The following FBXO36 variants were observed in gnomAD, a reference collection of about 807,000 sequenced individuals.
FBXO36 encodes the protein F-box only protein 36.
FBXO36 carries 18 observed loss-of-function variants against 17.0 expected under a neutral mutation model. The observed-to-expected ratio is 1.06, with a 90% confidence interval of 0.73 to 1.57. FBXO36 has a LOEUF of 1.57. Among genes scored for constraint, FBXO36 ranks in the 40% most tolerant of loss-of-function variants. The pLI is 0.00. For missense variants in FBXO36, 229 were observed against 221.9 expected (o/e 1.03, Z -0.20); for synonymous variants, 83 against 85.3 (o/e 0.97, Z 0.15).
At chr2:230,003,256 G>A (rs892183494) in intron 3 of FBXO36, among the ~76,000 whole-genome samples, 1 of 149,888 alleles carries the variant, frequency 6.7e-6, no homozygotes, top group African/African-American at 2.4e-5. Context: ...TGAAGTGGTG[G>A]CAATAATACA....
intron 1 of FBXO36, among the ~76,000 whole-genome samples, chr2:229,931,631 G>C (rs2076938815): frequency 6.6e-6 from 1 of 152,132 alleles, no homozygotes; most frequent in Non-Finnish European, 1.5e-5. Flanking sequence ...AAGAGATCAG[G>C]GGTTCGAGAC....
intron 1 of FBXO36, among the ~76,000 whole-genome samples, chr2:229,956,879 C>T (rs969912725): frequency 3.3e-5 from 5 of 152,068 alleles, no homozygotes; most frequent in Non-Finnish European, 5.9e-5. Context: ...CCAACAACAC[C>T]CCTGGGGTCT....
intron 1 of FBXO36, among the ~76,000 whole-genome samples, chr2:229,948,842 T>C (rs2077040522): frequency 6.6e-6 from 1 of 152,186 alleles, no homozygotes; most frequent in South Asian, 2.1e-4. Flanking sequence ...ATTTTATTTT[T>C]TATTTTTTTG....
At chr2:229,950,683 G>A (rs1449995112) in intron 1 of FBXO36, among the ~76,000 whole-genome samples, 1 of 151,916 alleles carries the variant, frequency 6.6e-6, no homozygotes, top group Non-Finnish European at 1.5e-5. Context: ...GGTTTTGTAG[G>A]ATGGAAAACA....
chr2:229,925,656 C>CA (rs1393190652), intron 1 of FBXO36, among the ~76,000 whole-genome samples: 2 of 151,864 alleles, frequency 1.3e-5, no homozygotes, highest in Non-Finnish European at 2.9e-5. Flanking sequence ...GCATCTTTTT[C>CA]GTTGGCCTTA....
chr2:229,945,076 C>T (rs1402696241), intron 1 of FBXO36: 1 of 152,062 alleles, frequency 6.6e-6, no homozygotes, highest in Non-Finnish European at 1.5e-5. Flanking sequence ...TGATTTATGA[C>T]TATTCTGTTT....
chr2:229,935,573 A>G (rs549423996), intron 1 of FBXO36, among the ~76,000 whole-genome samples: 1 of 152,258 alleles, frequency 6.6e-6, no homozygotes, highest in South Asian at 2.1e-4. Flanking sequence ...GTATTAACAC[A>G]TAGTAATTTT....
intron 2 of FBXO36, among the ~76,000 whole-genome samples, chr2:229,979,520 C>G (rs1328298815): frequency 6.6e-6 from 1 of 151,472 alleles, no homozygotes; most frequent in Non-Finnish European, 1.5e-5. Context: ...TGGCTCATAC[C>G]TATAATCCCA....
chr2:229,971,991 C>CTTTTTTT (rs918029152), intron 1 of FBXO36, among the ~76,000 whole-genome samples: 2 of 104,044 alleles, frequency 1.9e-5, no homozygotes, highest in African/African-American at 3.8e-5. Flanking sequence ...GTATCCAATT[C>CTTTTTTT]TTTTTTTTTT....
chr2:229,985,086 A>T (rs2077261506), intron 2 of FBXO36, among the ~76,000 whole-genome samples: 1 of 152,168 alleles, frequency 6.6e-6, no homozygotes, highest in Non-Finnish European at 1.5e-5. Context: ...CTGCCACAGG[A>T]TGCAGCGCAA....
chr2:229,979,898 A>C (rs2077229311), intron 2 of FBXO36, among the ~76,000 whole-genome samples: 1 of 152,122 alleles, frequency 6.6e-6, no homozygotes. Flanking sequence ...AAGAACAATC[A>C]TATTGGCAGA....
chr2:229,923,966 G>A (rs2076884320), intron 1 of FBXO36, among the ~76,000 whole-genome samples: 1 of 145,412 alleles, frequency 6.9e-6, no homozygotes, highest in Non-Finnish European at 1.5e-5. Flanking sequence ...GGATGGTCTC[G>A]ATCTCTTGAT....
chr2:229,986,173 G>T (rs977394471), intron 2 of FBXO36, among the ~76,000 whole-genome samples: 1 of 152,050 alleles, frequency 6.6e-6, no homozygotes, highest in Admixed American at 6.6e-5. Flanking sequence ...TATAAAAATG[G>T]TTTATGCATA....
chr2:229,971,809 A>T (rs1448632420), intron 1 of FBXO36, among the ~76,000 whole-genome samples: 1 of 151,272 alleles, frequency 6.6e-6, no homozygotes, highest in Non-Finnish European at 1.5e-5. Context: ...CCACCTCAGC[A>T]CAGACACGCA....
At chr2:229,927,533 G>T (rs1407348747) in intron 1 of FBXO36, among the ~76,000 whole-genome samples, 1 of 152,150 alleles carries the variant, frequency 6.6e-6, no homozygotes, top group Admixed American at 6.6e-5. Flanking sequence ...CTGGAAAAGT[G>T]TTAGAAAGAG....
At chr2:229,946,092 G>T (rs149521124) in intron 1 of FBXO36, among the ~76,000 whole-genome samples, 1 of 151,990 alleles carries the variant, frequency 6.6e-6, no homozygotes, top group Non-Finnish European at 1.5e-5. Context: ...TAAGAACTTT[G>T]CATTGCGGCC....
intron 1 of FBXO36, among the ~76,000 whole-genome samples, chr2:229,963,961 G>A (rs1395479399): frequency 1.3e-5 from 2 of 152,164 alleles, no homozygotes; most frequent in East Asian, 3.8e-4. Flanking sequence ...CTGGATGGAT[G>A]AGAAATAATA....
At position 230,012,757 on chromosome 2, in the gene FBXO36, C is replaced by G. The variant is rs1450240450; in HGVS notation, c.*1873C>G. The G allele has an allele frequency of 6.6e-6, 1 of 151,738 alleles. No individual in the cohort carries two copies. The highest frequency in any genetic ancestry group is 1.9e-4 in the East Asian group (1 of 5,204). 9.4% of individuals were successfully genotyped at this position (151,738 alleles called of 1,614,324 possible). A position where few individuals can be genotyped will look rare whatever the true frequency, so the allele number is the denominator to read the frequency against. On this transcript the variant is annotated 3_prime_UTR_variant, in exon 4 of 4. Coordinates refer to ENST00000283946, the MANE Select transcript of FBXO36 (RefSeq NM_174899.5). ...ACCACAATTACGTATGTCAACATAACTTCATAAATATGTAACTGTAACTTA... is the reference window on the plus strand; with the variant it reads ...ACCACAATTACGTATGTCAACATAAGTTCATAAATATGTAACTGTAACTTA...
At chr2:229,982,491 C>A (rs530405759) in intron 2 of FBXO36, among the ~76,000 whole-genome samples, 2 of 152,142 alleles carry the variant, frequency 1.3e-5, no homozygotes, top group East Asian at 3.9e-4. Context: ...ACCAGATAAT[C>A]CAGGATTATC....
Sources: allele counts gnomAD v4.1 joint callset (sites outside exome capture counted in the v4.1 genomes callset), GRCh38; gene constraint gnomAD v4.1.1; transcripts MANE v1.5; gene names NCBI Gene and HGNC (gene_info 2026-07-23, HGNC 2026-07-21).